Variants in FGD4 observed in about 807,000 individuals in gnomAD.
The protein encoded by FGD4 is FYVE, RhoGEF and PH domain-containing protein 4.
FGD4 carries 42 observed loss-of-function variants against 102.0 expected under a neutral mutation model. The observed-to-expected ratio is 0.41, with a 90% confidence interval of 0.32 to 0.53. The LOEUF (loss-of-function observed/expected upper bound fraction) is 0.53, where lower values mean the gene tolerates loss of function less well. Ranked by LOEUF, FGD4 falls within the 20% of genes least tolerant of loss-of-function variation. The pLI is 0.21. For missense variants in FGD4, 902 were observed against 1,078.2 expected (o/e 0.84, Z 2.29); for synonymous variants, 380 against 375.7 (o/e 1.01, Z -0.13).
chr12:32,520,930 C>T (rs1310322439), intron 1 of FGD4, among the ~76,000 whole-genome samples: 1 of 152,144 alleles, frequency 6.6e-6, no homozygotes, highest in East Asian at 1.9e-4. Flanking sequence ...CTCCAGCAGT[C>T]ACAGAGCCTC....
intron 14 of FGD4, 99 bp from the exon 15 acceptor site, chr12:32,633,450 A>G: frequency 1.5e-6 from 2 of 1,323,348 alleles, no homozygotes; most frequent in Non-Finnish European, 1.1e-6. Flanking sequence ...TCTGCCTTCT[A>G]TGCTTAACAT....
chr12:32,444,021 C>CTTTTTTTTTTT (rs67353121), intron 1 of FGD4, among the ~76,000 whole-genome samples: 3 of 119,120 alleles, frequency 2.5e-5, no homozygotes, highest in Admixed American at 8.4e-5. Flanking sequence ...ACTTTGTTTT[C>CTTTTTTTTTTT]TTTTTTTTTT....
chr12:32,572,071 C>CGT (rs145630990), intron 2 of FGD4, among the ~76,000 whole-genome samples: 7,477 of 151,732 alleles, frequency 0.049, 526 homozygotes, highest in African/African-American at 0.15. Flanking sequence ...TGTGTGCGTG[C>CGT]GTGTGTGTAT....
chr12:32,600,568 TTTTCTTTC>T lies in FGD4; in HGVS notation c.1102-690_1102-683del, dbSNP rs755842788. On this transcript the variant is annotated intron_variant, in intron 5 of 16. Transcript: ENST00000534526. ...GAAGGTTTGGGTTTTTGTTTTTTGT[TTTTCTTTC>T]TTTCTTTCTTTCTTTCTTTTTTTTT... The T allele has an allele frequency of 2.2e-3, 1,004 of 459,048 alleles. 5 individuals carry two copies. The highest frequency in any genetic ancestry group is 3.4e-3 in the Middle Eastern group (4 of 1,186). The allele number at this position is 459,048 out of a possible 1,614,324, so 28.4% of individuals were successfully genotyped here. A position where few individuals can be genotyped will look rare whatever the true frequency, so the allele number is the denominator to read the frequency against.
intron 15 of FGD4, among the ~76,000 whole-genome samples, chr12:32,638,120 G>A (rs193293894): frequency 6.6e-6 from 1 of 152,190 alleles, no homozygotes; most frequent in Non-Finnish European, 1.5e-5. Flanking sequence ...CCAGCACTTT[G>A]GGAGGCCAAG....
chr12:32,490,074 T>G (rs1462689066), intron 1 of FGD4, among the ~76,000 whole-genome samples: 2 of 152,204 alleles, frequency 1.3e-5, no homozygotes, highest in Non-Finnish European at 2.9e-5. Context: ...CCAGAAGCTT[T>G]ACTATTTTGC....
At chr12:32,502,072 T>C in intron 1 of FGD4, 1 of 985,484 alleles carries the variant, frequency 1.0e-6, no homozygotes, top group South Asian at 4.7e-5. Flanking sequence ...TGTTACCCAA[T>C]AAGCAGTAGT....
intron 1 of FGD4, among the ~76,000 whole-genome samples, chr12:32,479,700 T>C (rs1299057631): frequency 6.6e-6 from 1 of 151,236 alleles, no homozygotes; most frequent in Non-Finnish European, 1.5e-5. Flanking sequence ...CAAATAGTTA[T>C]ATTCGTTTAC....
At chr12:32,604,034 T>C (rs1757800640) in intron 7 of FGD4, among the ~76,000 whole-genome samples, 3 of 152,158 alleles carry the variant, frequency 2.0e-5, no homozygotes, top group Admixed American at 2.0e-4. Context: ...TTCTCCTGCT[T>C]TCCGTCCTCT....
At chr12:32,509,400 G>T (rs1306387998) in intron 1 of FGD4, among the ~76,000 whole-genome samples, 1 of 151,986 alleles carries the variant, frequency 6.6e-6, no homozygotes, top group African/African-American at 2.4e-5. Context: ...TCCTCAGGTG[G>T]TTAGTCATTG....
chr12:32,550,235 CAA>C (rs371942307), intron 1 of FGD4, among the ~76,000 whole-genome samples: 1 of 152,068 alleles, frequency 6.6e-6, no homozygotes, highest in African/African-American at 2.4e-5. Flanking sequence ...AAGAAAAAAA[CAA>C]AGAATGGAAT....
At chr12:32,620,083 G>A (rs1292408234) in intron 11 of FGD4, among the ~76,000 whole-genome samples, 3 of 152,134 alleles carry the variant, frequency 2.0e-5, no homozygotes, top group Non-Finnish European at 4.4e-5. Flanking sequence ...GTGGTTTGTA[G>A]ACAATAAGCA....
chr12:32,441,102 G>C (rs1435338893), intron 1 of FGD4, among the ~76,000 whole-genome samples: 12 of 152,150 alleles, frequency 7.9e-5, no homozygotes, highest in African/African-American at 2.9e-4. Flanking sequence ...TCAGGGTCTG[G>C]AACCAGGGAC....
intron 1 of FGD4, among the ~76,000 whole-genome samples, chr12:32,405,032 C>G (rs553923182): frequency 6.6e-6 from 1 of 152,194 alleles, no homozygotes; most frequent in Admixed American, 6.5e-5. Flanking sequence ...CTCCCGGGTT[C>G]ACGCCATTCT....
chr12:32,598,654 A>C, intron 5 of FGD4, 68 bp downstream of exon 5: 1 of 1,329,052 alleles, frequency 7.5e-7, no homozygotes, highest in Non-Finnish European at 1.1e-6. Context: ...TAGTAATTAG[A>C]GTATTTTAGA....
intron 4 of FGD4, among the ~76,000 whole-genome samples, chr12:32,587,381 T>C (rs548650040): frequency 2.6e-5 from 2 of 77,388 alleles, no homozygotes; most frequent in African/African-American, 7.7e-5. Flanking sequence ...TCTGTATTTA[T>C]TTATTTATTT....
intron 1 of FGD4, among the ~76,000 whole-genome samples, chr12:32,422,227 TTTCA>T (rs1037616731): frequency 3.3e-5 from 5 of 150,960 alleles, no homozygotes; most frequent in Non-Finnish European, 5.9e-5. Flanking sequence ...TCTTAATCTA[TTTCA>T]TTCAATCTAA....
At chr12:32,408,109 C>A (rs988862602) in intron 1 of FGD4, among the ~76,000 whole-genome samples, 2 of 151,882 alleles carry the variant, frequency 1.3e-5, no homozygotes, top group African/African-American at 4.8e-5. Context: ...AAACGATTCC[C>A]CTGCCTCAGC....
intron 1 of FGD4, among the ~76,000 whole-genome samples, chr12:32,441,739 T>G (rs1942441759): frequency 6.6e-6 from 1 of 152,128 alleles, no homozygotes; most frequent in African/African-American, 2.4e-5. Context: ...ACCTAGAAGT[T>G]GCAGTCCTTG....
Sources: gnomAD v4.1 joint callset for allele counts (sites outside exome capture counted in the v4.1 genomes callset) on GRCh38, gnomAD v4.1.1 for gene constraint, MANE v1.5 for transcripts, NCBI Gene and HGNC (gene_info 2026-07-23, HGNC 2026-07-21) for gene names.